MUC12: variants seen among roughly 807,000 people sequenced by gnomAD.
MUC12 encodes the protein mucin-12.
A neutral mutation model predicts 230.8 loss-of-function variants in MUC12; 172 were observed. The observed-to-expected ratio is 0.75, with a 90% CI of 0.66 to 0.85. The LOEUF (loss-of-function observed/expected upper bound fraction) is 0.85. MUC12 is among the 40% of genes least tolerant of loss of function. The probability of loss-of-function intolerance (pLI) is 0.00; values close to 1 mark genes in which losing one functional copy is unlikely to be tolerated. For synonymous variants in MUC12, 1,259 were observed against 2,401.9 expected (o/e 0.52, Z 13.91); for missense variants, 3,506 against 5,920.6 (o/e 0.59, Z 13.38).
Position 100,991,652 on chromosome 7 carries a change from G to A in MUC12, c.1089G>A (p.Arg363=). Residue 363 remains arginine, a synonymous_variant, in exon 2 of 12, where the codon AGG becomes AGA. Transcript: ENST00000536621. ...GHVEESTAYH[R]SPGSTQTMHF... is the part of the protein sequence containing the mutation. ...TTGAAGAATCTACAGCCTACCACAG[G>A]AGCCCGGGCTCAACTCAAACAATGC... is the stretch of plus-strand genomic sequence containing the variant. 1 of 622,510 alleles carries A rather than the reference G, an allele frequency of 1.6e-6. No individual in the cohort carries two copies. Among genetic ancestry groups the A allele is most frequent in the Non-Finnish European group, 2.3e-6 (1 of 436,822 alleles). The allele number at this position is 622,510 out of a possible 1,614,324, so 38.6% of individuals were successfully genotyped here.
intron 1 of MUC12, chr7:100,981,478 G>T (rs1272509980): frequency 1.4e-5 from 7 of 512,564 alleles, no homozygotes; most frequent in Non-Finnish European, 2.4e-5. Context: ...GGCAAGGGCT[G>T]CAGGAGCCAG....
At chr7:100,975,594 A>G (rs1793015165) in intron 1 of MUC12, among the ~76,000 whole-genome samples, 1 of 152,310 alleles carries the variant, frequency 6.6e-6, no homozygotes, top group Non-Finnish European at 1.5e-5. Flanking sequence ...AGTTTATAGT[A>G]GAGTTAATGA....
rs960517944 is a variant in MUC12 at position 101,004,957 on chromosome 7, C to T, written c.14394C>T (p.His4798=). Residue 4798 remains histidine (H), a synonymous_variant, in exon 2 of 12, where the codon CAC becomes CAT. Transcript: ENST00000536621. Reference sequence around the variant, plus strand: ...TCAGTCAGGAATCAACAACTTTCCACAGTAAGCCAGGCTCAACTGAGACAA... The same window carrying T: ...TCAGTCAGGAATCAACAACTTTCCATAGTAAGCCAGGCTCAACTGAGACAA... The part of the protein sequence containing the change: ...SGLSQESTTF[H]SKPGSTETTL... 6.5e-6 allele frequency: 10 copies of T among 1,537,814 alleles called. No individual in the cohort carries two copies. The Admixed American group carries it at 1.4e-4, about 21-fold the overall frequency.
rs1438578927 is a variant in MUC12 at position 101,004,638 on chromosome 7, C to G, written c.14075C>G (p.Thr4692Arg). ...ACAGCATCCCACAGCAGCCCAGATA[C>G]AAATGGAATCACACCCTTACCTGCC... ...ESTASHSSPD[T>R]NGITPLPAHF... Residue 4692 changes from threonine to arginine, a missense_variant, in exon 2 of 12, where the codon ACA becomes AGA. Coordinates refer to ENST00000536621, the MANE Select transcript of MUC12 (RefSeq NM_001164462.2). 1.4e-5 allele frequency: 21 copies of G among 1,537,446 alleles called. No individual in the cohort carries two copies. Among genetic ancestry groups the G allele is most frequent in the East Asian group, 2.4e-5 (1 of 40,918 alleles).
intron 1 of MUC12, among the ~76,000 whole-genome samples, chr7:100,989,099 C>T (rs4503037): frequency 0.42 from 56,122 of 134,552 alleles, 12,122 homozygotes; most frequent in East Asian, 0.58. Context: ...TCCTCTTCTT[C>T]TTTTTTTTTT....
Position 100,992,586 on chromosome 7 carries a change from G to A in MUC12, c.2023G>A (p.Ala675Thr), listed in dbSNP as rs747732608. Residue 675 changes from alanine to threonine, a missense_variant, in exon 2 of 12, where the codon GCC (alanine) becomes ACC (threonine). Ala to Thr is a moderately conservative substitution (Grantham distance 58). Coordinates refer to ENST00000536621, the MANE Select transcript of MUC12 (RefSeq NM_001164462.2). ...PSSIPTTHISARSTTSGLVEE... is the reference protein window; with the variant it reads ...PSSIPTTHISTRSTTSGLVEE... ...CTCAATTCCAACAACCCACATTTCTGCCCGCTCCACAACCTCAGGCCTCGT... is the reference window on the plus strand; with the variant it reads ...CTCAATTCCAACAACCCACATTTCTACCCGCTCCACAACCTCAGGCCTCGT... 2.0e-5 allele frequency: 31 copies of A among 1,537,712 alleles called. No individual in the cohort carries two copies. Among genetic ancestry groups the A allele is most frequent in the Middle Eastern group, 1.7e-4 (1 of 6,018 alleles).
chr7:100,993,784 C>A lies in MUC12; in HGVS notation c.3221C>A (p.Thr1074Lys). 2 of 1,433,680 alleles carry A rather than the reference C, an allele frequency of 1.4e-6. No individual in the cohort carries two copies. Among genetic ancestry groups the A allele is most frequent in the Non-Finnish European group, 1.9e-6 (2 of 1,078,664 alleles). 88.8% of individuals were successfully genotyped at this position (1,433,680 alleles called of 1,614,324 possible). The stretch of plus-strand genomic sequence containing the variant: ...ACAACCTCAGGTCGTGGAGAATCTA[C>A]AACCTCACGCATCAGTCCAGGCTCA... ...HSTTSGRGES[T>K]TSRISPGSTE... is the part of the protein sequence containing the mutation. Residue 1074 changes from threonine to lysine, a missense_variant, in exon 2 of 12, where the codon ACA (threonine) becomes AAA (lysine). Transcript: ENST00000536621.
intron 3 of MUC12, among the ~76,000 whole-genome samples, chr7:101,008,062 C>T (rs1455256864): frequency 6.6e-6 from 1 of 151,964 alleles, no homozygotes; most frequent in Non-Finnish European, 1.5e-5. Context: ...CCTCGGTCTC[C>T]CAAAGTGCTG....
rs1448568927 is a variant in MUC12 at position 101,005,491 on chromosome 7, T to C, written c.14928T>C (p.Ser4976=). 3 of 1,537,372 alleles carry C rather than the reference T, an allele frequency of 2.0e-6. No individual in the cohort carries two copies. The South Asian group carries it at 3.6e-5, about 18-fold the overall frequency. Residue 4976 remains serine, a synonymous_variant, in exon 2 of 12, where the codon TCT becomes TCC. Transcript: ENST00000536621. The part of the protein sequence containing the change: ...TSPSFTSTIV[S]TESLETLAPG... ...CAAGCTTCACTTCTACAATTGTGTC[T>C]ACTGAAAGCCTGGAAACCTTAGCAC...
At position 100,981,262 on chromosome 7, in the gene MUC12, G is replaced by A. The variant is rs144275194; in HGVS notation, c.68-9369G>A. On this transcript the variant is annotated intron_variant, in intron 1 of 11. Transcript: ENST00000536621. ...GAGGTTGAACTGGAGAAGGACCGCC[G>A]CACTTGCTCTGTGACATCCTTTGGG... The A allele has an allele frequency of 7.4e-3, 3,115 of 420,284 alleles. 13 individuals are homozygous for A. Among genetic ancestry groups the A allele is most frequent in the Non-Finnish European group, 9.8e-3 (2,316 of 237,436 alleles). 26.0% of individuals were successfully genotyped at this position (420,284 alleles called of 1,614,324 possible). A position where few individuals can be genotyped will look rare whatever the true frequency, so the allele number is the denominator to read the frequency against.
At chr7:100,983,420 A>T (rs1442898560) in intron 1 of MUC12, among the ~76,000 whole-genome samples, 1 of 149,912 alleles carries the variant, frequency 6.7e-6, no homozygotes, top group Non-Finnish European at 1.5e-5. Flanking sequence ...ACTCCGTTAA[A>T]AAAAAAAAAA....
In MUC12 at chr7:100,991,346, A is replaced by G; in HGVS notation, c.783A>G (p.Thr261=). The change falls in exon 2 of 12, where the codon ACA becomes ACG. Residue 261 remains threonine (T), a synonymous_variant. Coordinates refer to ENST00000536621, the MANE Select transcript of MUC12 (RefSeq NM_001164462.2). Reference sequence around the variant, plus strand: ...ACAGCAGCACTGGATCGCCACACACAACACTGTCCCCTTCCAGCTCTACAA... The same window carrying G: ...ACAGCAGCACTGGATCGCCACACACGACACTGTCCCCTTCCAGCTCTACAA... The part of the protein sequence containing the change: ...PVHSSTGSPH[T]TLSPSSSTTH... The G allele has an allele frequency of 6.5e-7, 1 of 1,537,724 alleles. No individual in the cohort carries two copies. Among genetic ancestry groups the G allele is most frequent in the Non-Finnish European group, 8.7e-7 (1 of 1,147,026 alleles).
At chr7:100,969,826 G>T in intron 1 of MUC12, 137 bp downstream of exon 1, 2 of 1,198,456 alleles carry the variant, frequency 1.7e-6, no homozygotes, top group Non-Finnish European at 1.2e-6. Flanking sequence ...CTGGAGACCC[G>T]TGCTGTGACC....
chr7:100,972,301 CTG>C, intron 1 of MUC12: 2 of 684,212 alleles, frequency 2.9e-6, no homozygotes, highest in South Asian at 1.6e-5. Context: ...GATTTGTGTC[CTG>C]CGCCCCTCCT....
Position 100,999,543 on chromosome 7 carries a change from T to G in MUC12, c.8980T>G (p.Ser2994Ala). 1.4e-6 allele frequency: 2 copies of G among 1,430,730 alleles called. No individual in the cohort carries two copies. The highest frequency in any genetic ancestry group is 4.1e-5 in the Admixed American group (2 of 48,700). 88.6% of individuals were successfully genotyped at this position (1,430,730 alleles called of 1,614,324 possible). Residue 2994 changes from serine to alanine, a missense_variant, in exon 2 of 12, where the codon TCT (serine) becomes GCT (alanine). Ser to Ala is a moderately conservative substitution (Grantham distance 99, BLOSUM62 1). Coordinates refer to ENST00000536621, the MANE Select transcript of MUC12 (RefSeq NM_001164462.2). ...SSTSAGLQEE[S>A]TTFQSWPSSS... ...CACAAGCGCTGGCCTTCAGGAAGAA[T>G]CTACCACTTTCCAGAGCTGGCCAAG...
In MUC12 at chr7:100,990,659, T is replaced by C; in HGVS notation, c.96T>C (p.Gly32=). Residue 32 remains glycine (G), a synonymous_variant, in exon 2 of 12, where the codon GGT becomes GGC. Coordinates refer to ENST00000536621, the MANE Select transcript of MUC12 (RefSeq NM_001164462.2). Reference sequence around the variant, plus strand: ...CAACAGTAAACACCAGTATTGGAGGTAATACAACTTCTGCATCCACACCCA... The same window carrying C: ...CAACAGTAAACACCAGTATTGGAGGCAATACAACTTCTGCATCCACACCCA... ...PGSTVNTSIG[G]NTTSASTPSS... is the part of the protein sequence containing the mutation. 1 of 1,537,524 alleles carries C rather than the reference T, an allele frequency of 6.5e-7. No homozygotes were observed. The highest frequency in any genetic ancestry group is 8.7e-7 in the Non-Finnish European group (1 of 1,146,954).
Position 100,995,845 on chromosome 7 carries a change from C to G in MUC12, c.5282C>G (p.Thr1761Arg). 6.9e-7 allele frequency: 1 copy of G among 1,458,556 alleles called. No individual in the cohort carries two copies. The highest frequency in any genetic ancestry group is 9.2e-7 in the Non-Finnish European group (1 of 1,087,740). 90.4% of individuals were successfully genotyped at this position (1,458,556 alleles called of 1,614,324 possible). Residue 1761 changes from threonine (T) to arginine (R), a missense_variant, in exon 2 of 12, where the codon ACA (threonine) becomes AGA (arginine). By Grantham distance (71) the Thr-to-Arg change is moderately conservative. Transcript: ENST00000536621. The part of the protein sequence containing the change: ...TATTPSPARS[T>R]TSGLVEESTA... The stretch of plus-strand genomic sequence containing the variant: ...ACAACACCCTCGCCTGCCCGCTCCA[C>G]AACCTCAGGCCTCGTTGAAGAATCT...
Position 100,969,631 on chromosome 7 carries a change from G to A in MUC12, c.9G>A (p.Val3=). ...GGCCCGTTCCCCGGGAGATGCTGGT[G>A]ATCTGGATTCTGACGCTGGCTCTCC... The part of the protein sequence containing the change: ML[V]IWILTLALRL... Residue 3 remains valine (V), a synonymous_variant, in exon 1 of 12, where the codon GTG becomes GTA. Transcript: ENST00000536621. 9 of 1,537,446 alleles carry A rather than the reference G, an allele frequency of 5.9e-6. No homozygotes were observed. The highest frequency in any genetic ancestry group is 7.8e-6 in the Non-Finnish European group (9 of 1,146,950).
intron 2 of MUC12, 107 bp from the exon 3 acceptor site, chr7:101,006,364 C>T (rs917464947): frequency 3.3e-5 from 24 of 733,200 alleles, no homozygotes; most frequent in East Asian, 2.7e-4. Flanking sequence ...CATCTGGCAT[C>T]GTCCTGCTCT....
Sources: gnomAD v4.1 joint callset for allele counts (sites outside exome capture counted in the v4.1 genomes callset) on GRCh38, gnomAD v4.1.1 for gene constraint, MANE v1.5 for transcripts, NCBI Gene and HGNC (gene_info 2026-07-23, HGNC 2026-07-21) for gene names.